The following CSMD1 variants were observed in gnomAD, a reference collection of about 807,000 sequenced individuals.
CSMD1 encodes the protein CUB and Sushi multiple domains 1, also known as CUB and sushi domain-containing protein 1.
CSMD1 carries 213 observed loss-of-function variants against 417.5 expected under a neutral mutation model. The observed-to-expected ratio is 0.51, with a 90% CI of 0.46 to 0.57. CSMD1 has a LOEUF of 0.57. Ranked by LOEUF, CSMD1 falls within the 20% of genes least tolerant of loss-of-function variation. CSMD1 has a pLI of 0.00. For missense variants in CSMD1, 6,923 were observed against 4,529.7 expected, an observed-to-expected ratio of 1.53 and a Z score of -15.17; for synonymous variants, 2,862 against 1,736.8, an observed-to-expected ratio of 1.65 and a Z score of -16.11.
In CSMD1 at chr8:4,831,511, G is replaced by A. The variant is rs77076693; in HGVS notation, c.85+162821C>T. Among the ~76,000 whole-genome samples the A allele has an allele frequency of 4.1e-3, 622 of 152,058 alleles. 4 individuals carry two copies. Among genetic ancestry groups the A allele is most frequent in the African/African-American group, 0.014 (593 of 41,464 alleles). ...TTTGTCAAGATGCTGCTCATTGCATGGTACATATTTTTTTTTAATATCAGA... is the reference window on the plus strand; with the variant it reads ...TTTGTCAAGATGCTGCTCATTGCATAGTACATATTTTTTTTTAATATCAGA... On this transcript the variant is annotated intron_variant, in intron 1 of 69. Coordinates refer to ENST00000635120, the MANE Select transcript of CSMD1 (RefSeq NM_033225.6).
chr8:4,810,395 C>G (rs747131723), intron 1 of CSMD1, among the ~76,000 whole-genome samples: 1 of 152,104 alleles, frequency 6.6e-6, no homozygotes, highest in African/African-American at 2.4e-5. Flanking sequence ...CCATTCATAA[C>G]GTGATTGTAC....
chr8:3,668,421 C>T (rs1165273342), intron 7 of CSMD1, among the ~76,000 whole-genome samples: 8 of 152,176 alleles, frequency 5.3e-5, no homozygotes, highest in African/African-American at 1.9e-4. Context: ...CAGGTAGCTA[C>T]AGTGTAAGCT....
intron 49 of CSMD1, among the ~76,000 whole-genome samples, chr8:3,061,848 T>C (rs1369997537): frequency 6.6e-6 from 1 of 151,122 alleles, no homozygotes; most frequent in African/African-American, 2.5e-5. Context: ...ATTTTTTTTA[T>C]TACTTGTAAG....
intron 3 of CSMD1, among the ~76,000 whole-genome samples, chr8:4,143,980 C>T (rs1376698479): frequency 6.6e-6 from 1 of 151,356 alleles, no homozygotes; most frequent in Non-Finnish European, 1.5e-5. Flanking sequence ...CCAAGGCACT[C>T]TCCCTTTCCA....
intron 2 of CSMD1, among the ~76,000 whole-genome samples, chr8:4,594,297 G>C (rs1800146872): frequency 6.9e-6 from 1 of 145,318 alleles, no homozygotes. Flanking sequence ...TCTGACTCCT[G>C]GGTTAAAGCG....
In CSMD1 at chr8:4,053,419, C is replaced by T. The variant is rs118071973; in HGVS notation, c.416-21320G>A. On this transcript the variant is annotated intron_variant, in intron 3 of 69. Transcript: ENST00000635120. Reference sequence around the variant, plus strand: ...TCTACCTTGGTGTGAATAGCTCCCACCACCTGCTTTTTATCATGGTCTCGG... The same window carrying T: ...TCTACCTTGGTGTGAATAGCTCCCATCACCTGCTTTTTATCATGGTCTCGG... 3.0e-3 allele frequency among the ~76,000 whole-genome samples: 451 copies of T among 151,976 alleles called. 1 individual carries two copies. Among genetic ancestry groups the T allele is most frequent in the Non-Finnish European group, 4.5e-3 (304 of 67,996 alleles).
chr8:3,297,508 C>A (rs1043792717), intron 25 of CSMD1, among the ~76,000 whole-genome samples: 1 of 152,062 alleles, frequency 6.6e-6, no homozygotes, highest in African/African-American at 2.4e-5. Flanking sequence ...GGAAACAGAT[C>A]TGCATAGATC....
intron 3 of CSMD1, among the ~76,000 whole-genome samples, chr8:4,158,597 T>G (rs892362517): frequency 6.6e-6 from 1 of 152,250 alleles, no homozygotes; most frequent in African/African-American, 2.4e-5. Context: ...CCCTCCTTCT[T>G]ATTTTTCTGG....
At chr8:4,330,160 T>C (rs1472480612) in intron 3 of CSMD1, among the ~76,000 whole-genome samples, 2 of 152,212 alleles carry the variant, frequency 1.3e-5, no homozygotes, top group East Asian at 1.9e-4. Flanking sequence ...CCAACAAATA[T>C]ACAACAGGAA....
At chr8:3,764,753 T>C (rs954494269) in intron 5 of CSMD1, among the ~76,000 whole-genome samples, 3 of 150,384 alleles carry the variant, frequency 2.0e-5, no homozygotes, top group South Asian at 2.1e-4. Flanking sequence ...TTTTTTTTTT[T>C]TTTTTTATTT....
intron 2 of CSMD1, among the ~76,000 whole-genome samples, chr8:4,534,601 C>G (rs1344275988): frequency 6.6e-6 from 1 of 152,098 alleles, no homozygotes; most frequent in Non-Finnish European, 1.5e-5. Flanking sequence ...TTTCCCCATT[C>G]TAGTAGCCTG....
chr8:4,164,488 G>A (rs532547254), intron 3 of CSMD1, among the ~76,000 whole-genome samples: 80 of 152,058 alleles, frequency 5.3e-4, no homozygotes, highest in African/African-American at 8.4e-4. Context: ...CTAATCAAAC[G>A]CAATGCCAGC....
chr8:4,552,939 C>A (rs1797935932), intron 2 of CSMD1, among the ~76,000 whole-genome samples: 1 of 152,164 alleles, frequency 6.6e-6, no homozygotes, highest in Non-Finnish European at 1.5e-5. Flanking sequence ...AAGGGCCAGG[C>A]CTTCCCTCCC....
chr8:4,642,176 T>G (rs1458825750), intron 1 of CSMD1, among the ~76,000 whole-genome samples: 2 of 152,166 alleles, frequency 1.3e-5, no homozygotes, highest in Non-Finnish European at 2.9e-5. Context: ...GGACTACTTG[T>G]TCGGGGCCCC....
chr8:4,260,289 T>A (rs1401480), intron 3 of CSMD1, among the ~76,000 whole-genome samples: 31 of 152,200 alleles, frequency 2.0e-4, no homozygotes, highest in African/African-American at 7.5e-4. Flanking sequence ...TATTTGTTCA[T>A]TGAACATCAA....
intron 5 of CSMD1, among the ~76,000 whole-genome samples, chr8:3,799,464 T>C (rs113271960): frequency 1.1e-4 from 16 of 142,630 alleles, no homozygotes; most frequent in Middle Eastern, 3.6e-3. Context: ...TTCTCACTGT[T>C]CAGTTCCCAC....
At chr8:3,450,078 A>C (rs931393400) in intron 12 of CSMD1, among the ~76,000 whole-genome samples, 4 of 152,116 alleles carry the variant, frequency 2.6e-5, no homozygotes, top group African/African-American at 9.7e-5. Flanking sequence ...AATTCGGAAA[A>C]TCATCTGGTT....
intron 1 of CSMD1, among the ~76,000 whole-genome samples, chr8:4,748,003 A>G (rs1811066130): frequency 6.6e-6 from 1 of 152,208 alleles, no homozygotes; most frequent in African/African-American, 2.4e-5. Context: ...TATTAGTTTC[A>G]CTAAGTTATC....
intron 3 of CSMD1, among the ~76,000 whole-genome samples, chr8:4,177,826 C>G (rs558772738): frequency 6.6e-6 from 1 of 151,656 alleles, no homozygotes; most frequent in East Asian, 1.9e-4. Flanking sequence ...ACTAGAAAAT[C>G]TATAAGAAAT....
Sources: gnomAD v4.1 joint callset for allele counts (sites outside exome capture counted in the v4.1 genomes callset) on GRCh38, gnomAD v4.1.1 for gene constraint, MANE v1.5 for transcripts, NCBI Gene and HGNC (gene_info 2026-07-23, HGNC 2026-07-21) for gene names.